SLC30A8: variants seen among roughly 807,000 people sequenced by gnomAD.
SLC30A8 encodes the protein solute carrier family 30 member 8.
Under a neutral mutation model 36.9 loss-of-function variants are expected in SLC30A8, and 27 were observed. That is an observed-to-expected ratio of 0.73 (90% CI 0.54 to 1.01). The LOEUF is 1.01. SLC30A8 is among the 50% of genes least tolerant of loss of function. The pLI is 0.00. For missense variants in SLC30A8, 439 were observed against 452.0 expected, an observed-to-expected ratio of 0.97 and a Z score of 0.26; for synonymous variants, 164 against 172.4, an observed-to-expected ratio of 0.95 and a Z score of 0.38.
At position 116,958,995 on chromosome 8, in the gene SLC30A8, G is replaced by A. The variant is rs1465233460; in HGVS notation, c.-266+7876G>A. Reference sequence around the variant, plus strand: ...CTCCCGAGTAGCTGGGACTACAGGCGCCTGCCACCATGCCCAGCTAATTTT... The same window carrying A: ...CTCCCGAGTAGCTGGGACTACAGGCACCTGCCACCATGCCCAGCTAATTTT... On this transcript the variant is annotated intron_variant, in intron 1 of 10. Transcript: ENST00000427715. Among the ~76,000 whole-genome samples, 7 of 151,236 alleles carry A rather than the reference G, an allele frequency of 4.6e-5. 1 individual carries two copies. Among genetic ancestry groups the A allele is most frequent in the East Asian group, 1.9e-4 (1 of 5,140 alleles).
intron 2 of SLC30A8, among the ~76,000 whole-genome samples, chr8:117,046,283 G>A (rs574243985): frequency 2.0e-5 from 3 of 152,176 alleles, no homozygotes; most frequent in Non-Finnish European, 2.9e-5. Flanking sequence ...CCCCCCCACC[G>A]CCACAGACAA....
At chr8:116,972,254 A>G (rs2130619340) in intron 1 of SLC30A8, among the ~76,000 whole-genome samples, 1 of 152,298 alleles carries the variant, frequency 6.6e-6, no homozygotes, top group East Asian at 1.9e-4. Context: ...TCATCTGGGG[A>G]GCAATTTATA....
chr8:116,953,674 G>T (rs1489837772), intron 1 of SLC30A8, among the ~76,000 whole-genome samples: 1 of 152,010 alleles, frequency 6.6e-6, no homozygotes, highest in Non-Finnish European at 1.5e-5. Flanking sequence ...TTCTTAATTT[G>T]CAGGCACTCA....
At chr8:117,088,254 C>T (rs1200879943) in intron 2 of SLC30A8, among the ~76,000 whole-genome samples, 1 of 152,092 alleles carries the variant, frequency 6.6e-6, no homozygotes, top group Non-Finnish European at 1.5e-5. Context: ...TGCAACATTC[C>T]CCTCTACTAT....
At chr8:117,159,824 A>G (rs1223840067) in intron 4 of SLC30A8, among the ~76,000 whole-genome samples, 1 of 152,230 alleles carries the variant, frequency 6.6e-6, no homozygotes, top group Non-Finnish European at 1.5e-5. Flanking sequence ...GATGAAGGCT[A>G]CAAACCTACC....
At chr8:117,020,047 C>G (rs1010217742) in intron 1 of SLC30A8, among the ~76,000 whole-genome samples, 1 of 152,120 alleles carries the variant, frequency 6.6e-6, no homozygotes, top group Non-Finnish European at 1.5e-5. Context: ...GATGATAGAA[C>G]GCAATTGCCT....
Position 117,016,684 on chromosome 8 carries a change from C to G in SLC30A8, c.-265-22535C>G, listed in dbSNP as rs527671732. Among the ~76,000 whole-genome samples, 3 of 152,252 alleles carry G rather than the reference C, an allele frequency of 2.0e-5. No homozygotes were observed. In the East Asian group the frequency reaches 5.8e-4, roughly 29 times the overall value. On this transcript the variant is annotated intron_variant, in intron 1 of 10. Coordinates refer to the SLC30A8 transcript ENST00000427715. ...AGTTTACAGCTAACAAAAGATTGCT[C>G]TGATGAATATACAAGGAGAGAGATT...
At position 117,171,047 on chromosome 8, in the gene SLC30A8, C is replaced by T; in HGVS notation, c.843C>T (p.Ser281=). The T allele has an allele frequency of 6.3e-7, 1 of 1,599,016 alleles. No homozygotes were observed. ...SILLMEGVPK[S]LNYSGVKELI... ...CCCTTTTGTCAGGTGTGCCAAAGAG[C>T]CTGAATTACAGTGGTGTGAAAGAGC... is the stretch of plus-strand genomic sequence containing the variant. Residue 281 remains serine, a synonymous_variant, in exon 7 of 8, where the codon AGC becomes AGT. Transcript: ENST00000456015.
At chr8:116,974,864 G>T (rs924294691) in intron 1 of SLC30A8, among the ~76,000 whole-genome samples, 2 of 152,004 alleles carry the variant, frequency 1.3e-5, no homozygotes, top group East Asian at 1.9e-4. Flanking sequence ...GTCATAAAAA[G>T]GATGAGTTCA....
intron 3 of SLC30A8, 106 bp from the exon 4 acceptor site, chr8:117,157,585 A>T (rs1183138080): frequency 9.4e-6 from 12 of 1,281,990 alleles, no homozygotes; most frequent in Non-Finnish European, 1.2e-5. Context: ...AACTAATGTG[A>T]AGCCTTTTTG....
chr8:117,078,548 C>CGG, intron 2 of SLC30A8, among the ~76,000 whole-genome samples: 1 of 152,056 alleles, frequency 6.6e-6, no homozygotes, highest in African/African-American at 2.4e-5. Flanking sequence ...TGACATTCCT[C>CGG]TCTTACACTC....
chr8:116,980,510 T>A (rs1815214572), intron 1 of SLC30A8, among the ~76,000 whole-genome samples: 1 of 152,210 alleles, frequency 6.6e-6, no homozygotes, highest in Non-Finnish European at 1.5e-5. Flanking sequence ...TCTGATTTCC[T>A]TGTGTCAGTC....
intron 3 of SLC30A8, 83 bp downstream of exon 3, chr8:117,153,173 G>A: frequency 7.2e-7 from 1 of 1,394,274 alleles, no homozygotes; most frequent in Non-Finnish European, 9.5e-7. Flanking sequence ...ACGAAGCAAA[G>A]CCTTGTTGGA....
intron 1 of SLC30A8, among the ~76,000 whole-genome samples, chr8:116,982,459 A>G (rs1420616794): frequency 6.6e-6 from 1 of 152,232 alleles, no homozygotes; most frequent in Non-Finnish European, 1.5e-5. Context: ...GTCACAAAAC[A>G]TCACCAGACT....
intron 2 of SLC30A8, among the ~76,000 whole-genome samples, chr8:117,061,331 T>A (rs943343772): frequency 2.0e-5 from 3 of 152,232 alleles, no homozygotes; most frequent in African/African-American, 7.2e-5. Flanking sequence ...CGTGCATGCA[T>A]ACACCACTGG....
At chr8:117,005,864 A>G (rs533485257) in intron 1 of SLC30A8, among the ~76,000 whole-genome samples, 3 of 152,164 alleles carry the variant, frequency 2.0e-5, no homozygotes, top group Non-Finnish European at 4.4e-5. Context: ...TTGCCATTTC[A>G]CTTGGCAATA....
chr8:117,139,815 G>A (rs1468754385), intron 1 of SLC30A8, among the ~76,000 whole-genome samples: 1 of 150,664 alleles, frequency 6.6e-6, no homozygotes, highest in Non-Finnish European at 1.5e-5. Flanking sequence ...TCTGAGGAAT[G>A]GCAACAGAGG....
intron 2 of SLC30A8, among the ~76,000 whole-genome samples, chr8:117,078,465 A>G (rs1205604568): frequency 1.3e-5 from 2 of 151,482 alleles, no homozygotes; most frequent in Non-Finnish European, 2.9e-5. Flanking sequence ...GCTACTTTCT[A>G]GATTTTTTTT....
At chr8:117,038,057 C>A (rs1037445931) in intron 1 of SLC30A8, among the ~76,000 whole-genome samples, 1 of 152,154 alleles carries the variant, frequency 6.6e-6, no homozygotes, top group Non-Finnish European at 1.5e-5. Context: ...AATGGAAGAA[C>A]TAGACTGCCA....
Sources: allele counts gnomAD v4.1 joint callset (sites outside exome capture counted in the v4.1 genomes callset), GRCh38; gene constraint gnomAD v4.1.1; transcripts MANE v1.5; gene names NCBI Gene and HGNC (gene_info 2026-07-23, HGNC 2026-07-21).